The following IGSF3 variants were observed in gnomAD, a reference collection of about 807,000 sequenced individuals.
The protein encoded by IGSF3 is immunoglobulin superfamily member 3.
A neutral mutation model predicts 114.4 loss-of-function variants in IGSF3; 23 were observed. The observed-to-expected ratio is 0.20, with a 90% CI of 0.14 to 0.28. The LOEUF (loss-of-function observed/expected upper bound fraction) is 0.28. IGSF3 is among the 10% of genes least tolerant of loss of function. The pLI is 1.00. For synonymous variants in IGSF3, 571 were observed against 645.2 expected, an observed-to-expected ratio of 0.88 and a Z score of 1.74; for missense variants, 1,172 against 1,591.5, an observed-to-expected ratio of 0.74 and a Z score of 4.48.
Position 116,618,856 on chromosome 1 carries a change from T to C in IGSF3, c.44-2399A>G, listed in dbSNP as rs1490057241. ...ACAGCGCAACTACAACCAACCCCCA[T>C]ACATCTCCTGCAAAGAAGGCTAGAG... is the stretch of plus-strand genomic sequence containing the variant. On this transcript the variant is annotated intron_variant, in intron 2 of 10. Transcript: ENST00000369486. This position sits in a 1 kb window ranked among gnomAD's most constrained non-coding sequence, Gnocchi z 4.7. Among the ~76,000 whole-genome samples the C allele has an allele frequency of 2.0e-5, 3 of 152,136 alleles. No homozygotes were observed. The highest frequency in any genetic ancestry group is 4.4e-5 in the Non-Finnish European group (3 of 68,024).
chr1:116,651,361 T>C lies in IGSF3; in HGVS notation c.43+14923A>G, dbSNP rs1484279899. Among the ~76,000 whole-genome samples the C allele has an allele frequency of 2.6e-5, 4 of 152,154 alleles. No homozygotes were observed. The highest frequency in any genetic ancestry group is 7.2e-5 in the African/African-American group (3 of 41,442). On this transcript the variant is annotated intron_variant, in intron 2 of 10. Transcript: ENST00000369486. The surrounding 1 kb of genome is among the most constrained non-coding windows in gnomAD (Gnocchi z 4.4). ...TACTGACAAGCACTCCAGACCCAAA[T>C]ACACATGCTCCCACCTGAGGCTGGG...
chr1:116,658,814 G>A (rs1208760173), intron 2 of IGSF3, among the ~76,000 whole-genome samples: 11 of 152,176 alleles, frequency 7.2e-5, no homozygotes, highest in Admixed American at 6.5e-5. Flanking sequence ...CTCTCCCCCA[G>A]TAGACACCTA....
At position 116,616,278 on chromosome 1, in the gene IGSF3, T is replaced by C; in HGVS notation, c.223A>G (p.Met75Val). 1.2e-6 allele frequency: 2 copies of C among 1,610,816 alleles called. No individual in the cohort carries two copies. Among genetic ancestry groups the C allele is most frequent in the South Asian group, 1.1e-5 (1 of 90,970 alleles). ...ATGGCATAGGGGAAGGAAGAGTCCATGGTGCTGACGATCTGCACCTCTCGC... is the reference window on the plus strand; with the variant it reads ...ATGGCATAGGGGAAGGAAGAGTCCACGGTGCTGACGATCTGCACCTCTCGC... ...PEREVQIVSTMDSSFPYAIYT... is the reference protein window; with the variant it reads ...PEREVQIVSTVDSSFPYAIYT... The change falls in exon 3 of 11, where the codon ATG becomes GTG. Residue 75 changes from methionine to valine, a missense_variant. By Grantham distance (21) the Met-to-Val change is conservative (BLOSUM62 1). Around this residue, in one of 3 missense-constraint regions of IGSF3, gnomAD observed 736 missense variants for 1,042.0 expected, o/e 0.71. Transcript: ENST00000369486. This position sits in a 1 kb window ranked among gnomAD's most constrained non-coding sequence, Gnocchi z 6.6.
At chr1:116,666,163 C>A (rs1649322135) in intron 2 of IGSF3, 121 bp downstream of exon 2, 2 of 928,244 alleles carry the variant, frequency 2.2e-6, no homozygotes, top group African/African-American at 3.2e-5. Flanking sequence ...GTGACACACA[C>A]CGACCGCCTC....
intron 2 of IGSF3, among the ~76,000 whole-genome samples, chr1:116,652,754 G>T (rs1047060155): frequency 6.6e-6 from 1 of 152,100 alleles, no homozygotes; most frequent in African/African-American, 2.4e-5. Flanking sequence ...AAATGTCAGG[G>T]AACACCACTG....
Position 116,582,617 on chromosome 1 carries a change from T to C in IGSF3, c.2848+2028A>G, listed in dbSNP as rs533656025. On this transcript the variant is annotated intron_variant, in intron 9 of 10. Transcript: ENST00000369486. This position sits in a 1 kb window ranked among gnomAD's most constrained non-coding sequence, Gnocchi z 4.7. ...CTCCGAAAAAAATCTTTGAAGTACG[T>C]CTGCACAATGAATGTTATGAAACCA... 1.3e-5 allele frequency among the ~76,000 whole-genome samples: 2 copies of C among 152,342 alleles called. No homozygotes were observed. The highest frequency in any genetic ancestry group is 3.9e-4 in the East Asian group (2 of 5,190).
chr1:116,586,739 A>G (rs1278235971), intron 8 of IGSF3, among the ~76,000 whole-genome samples: 1 of 152,122 alleles, frequency 6.6e-6, no homozygotes, highest in African/African-American at 2.4e-5. Context: ...AATGGTGATG[A>G]CTAGAGTGGA....
rs144356634 is a variant in IGSF3, at chr1:116,593,070, A to G, written c.2030-3966T>C. Among the ~76,000 whole-genome samples the G allele has an allele frequency of 0.026, 3,910 of 152,286 alleles. 162 individuals carry two copies. The highest frequency in any genetic ancestry group is 0.089 in the African/African-American group (3,704 of 41,538). On this transcript the variant is annotated intron_variant, in intron 7 of 10. Transcript: ENST00000369486. The surrounding 1 kb of genome is among the most constrained non-coding windows in gnomAD (Gnocchi z 4.5). Reference sequence around the variant, plus strand: ...TCAGGTGTAGTGGATGAGGTTAGAAAGGTAAGCTTCGGCCACACTGCAAGG... The same window carrying G: ...TCAGGTGTAGTGGATGAGGTTAGAAGGGTAAGCTTCGGCCACACTGCAAGG...
Position 116,579,837 on chromosome 1 carries a change from C to T in IGSF3, c.2889G>A (p.Thr963=), listed in dbSNP as rs772176873. 2.5e-5 allele frequency: 40 copies of T among 1,611,924 alleles called. No homozygotes were observed. The African/African-American group carries it at 2.9e-4, about 12-fold the overall frequency. Reference sequence around the variant, plus strand: ...GCTGGAAAGCTGCCTTCTCAGAGACCGTGGCATTGGGGACCACTGTGTCCA... The same window carrying T: ...GCTGGAAAGCTGCCTTCTCAGAGACTGTGGCATTGGGGACCACTGTGTCCA... ...LQVDTVVPNA[T]VSEKAAFQLD... is the part of the protein sequence containing the mutation. Residue 963 remains threonine (T), a synonymous_variant, in exon 10 of 11, where the codon ACG becomes ACA. Coordinates refer to ENST00000369486, the MANE Select transcript of IGSF3 (RefSeq NM_001007237.3). The surrounding 1 kb of genome is among the most constrained non-coding windows in gnomAD (Gnocchi z 6.4).
chr1:116,643,008 C>T (rs1422183452), intron 2 of IGSF3, among the ~76,000 whole-genome samples: 1 of 152,232 alleles, frequency 6.6e-6, no homozygotes, highest in African/African-American at 2.4e-5. Flanking sequence ...AGGGATCCAC[C>T]ATCCAGGAAC....
In IGSF3 at chr1:116,666,390, T is replaced by C. The variant is rs1325148191; in HGVS notation, c.-64A>G. On this transcript the variant is annotated 5_prime_UTR_variant, in exon 2 of 11. It removes an upstream start codon present in the reference 5' UTR. Transcript: ENST00000369486. The stretch of plus-strand genomic sequence containing the variant: ...TCTTCTCCCAGCTCCTAATCTCTCA[T>C]TTCTGGCAATCCACTTATAGCTCCA... 2 of 1,463,910 alleles carry C rather than the reference T, an allele frequency of 1.4e-6. No homozygotes were observed. The highest frequency in any genetic ancestry group is 1.9e-6 in the Non-Finnish European group (2 of 1,043,150). 90.7% of individuals were successfully genotyped at this position (1,463,910 alleles called of 1,614,324 possible).
chr1:116,640,497 C>G (rs1648041678), intron 2 of IGSF3, among the ~76,000 whole-genome samples: 1 of 152,172 alleles, frequency 6.6e-6, no homozygotes, highest in Non-Finnish European at 1.5e-5. Flanking sequence ...AAACAATATA[C>G]AGAGTTTTTG....
At chr1:116,658,232 G>A (rs1262836358) in intron 2 of IGSF3, among the ~76,000 whole-genome samples, 1 of 152,066 alleles carries the variant, frequency 6.6e-6, no homozygotes. Flanking sequence ...TAGAGATGGG[G>A]TTTCACCATG....
chr1:116,601,087 C>G (rs907318287), intron 6 of IGSF3, among the ~76,000 whole-genome samples: 2 of 152,112 alleles, frequency 1.3e-5, no homozygotes, highest in African/African-American at 4.8e-5. Context: ...TAACAGTAGC[C>G]AGTATTTATT....
Position 116,627,157 on chromosome 1 carries a change from G to A in IGSF3, c.44-10700C>T, listed in dbSNP as rs1169598310. On this transcript the variant is annotated intron_variant, in intron 2 of 10. Transcript: ENST00000369486. This position sits in a 1 kb window ranked among gnomAD's most constrained non-coding sequence, Gnocchi z 4.7. ...TGGGCATTTTTTTTTAAAGAGGGCA[G>A]CTTCGTGGCAACACTCCCTCTGAGA... Among the ~76,000 whole-genome samples, 1 of 152,108 alleles carries A rather than the reference G, an allele frequency of 6.6e-6. No individual in the cohort carries two copies. The highest frequency in any genetic ancestry group is 1.5e-5 in the Non-Finnish European group (1 of 68,020).
chr1:116,653,685 C>T (rs1648731391), intron 2 of IGSF3, among the ~76,000 whole-genome samples: 1 of 152,226 alleles, frequency 6.6e-6, no homozygotes, highest in South Asian at 2.1e-4. Flanking sequence ...CCCTCTAGGA[C>T]AATTCACCTT....
chr1:116,656,634 C>G (rs1011268390), intron 2 of IGSF3, among the ~76,000 whole-genome samples: 3 of 151,268 alleles, frequency 2.0e-5, no homozygotes, highest in African/African-American at 7.3e-5. Context: ...AATTAAAATT[C>G]AAAAATTAGG....
In IGSF3 at chr1:116,613,876, G is replaced by C. The variant is rs748681462; in HGVS notation, c.721C>G (p.Gln241Glu). 1 of 1,613,848 alleles carries C rather than the reference G, an allele frequency of 6.2e-7. No homozygotes were observed. The highest frequency in any genetic ancestry group is 2.2e-5 in the East Asian group (1 of 44,898). ...LTIFHLQPSD[Q>E]GEFYCEAAEW... is the part of the protein sequence containing the mutation. The stretch of plus-strand genomic sequence containing the variant: ...GCGGCCTCGCAGTAGAATTCGCCCT[G>C]GTCAGAAGGCTGCAGGTGGAAGATG... The change falls in exon 4 of 11, where the codon CAG becomes GAG. Residue 241 changes from glutamine (Q) to glutamate (E), a missense_variant. Gln to Glu is a conservative substitution (Grantham distance 29). Transcript: ENST00000369486.
Position 116,666,357 on chromosome 1 carries a change from GCGCTTCCTCTTCTCCC to G in IGSF3, c.-47_-32del. The stretch of plus-strand genomic sequence containing the variant: ...CAGCCTCCAGGAGACACAACACAAG[GCGCTTCCTCTTCTCCC>G]AGCTCCTAATCTCTCATTTCTGGCA... On this transcript the variant is annotated 5_prime_UTR_variant, in exon 2 of 11. Coordinates refer to ENST00000369486, the MANE Select transcript of IGSF3 (RefSeq NM_001007237.3). 6.2e-7 allele frequency: 1 copy of G among 1,610,748 alleles called. No individual in the cohort carries two copies. Among genetic ancestry groups the G allele is most frequent in the Non-Finnish European group, 8.5e-7 (1 of 1,176,914 alleles).
Sources: allele counts gnomAD v4.1 joint callset (sites outside exome capture counted in the v4.1 genomes callset), GRCh38; gene constraint gnomAD v4.1.1; regional missense constraint gnomAD v4.1.1; non-coding constraint Gnocchi (gnomAD v3.1); transcripts MANE v1.5; gene names NCBI Gene and HGNC (gene_info 2026-07-23, HGNC 2026-07-21).